The following CMKLR1 variants were observed in gnomAD, a reference collection of about 807,000 sequenced individuals.
The protein encoded by CMKLR1 is chemerin-like receptor 1.
CMKLR1 carries 6 observed loss-of-function variants against 8.2 expected under a neutral mutation model. The observed-to-expected ratio is 0.73, with a 90% CI of 0.40 to 1.44. The LOEUF (loss-of-function observed/expected upper bound fraction) is 1.44, where lower values mean the gene tolerates loss of function less well. Among genes scored for constraint, CMKLR1 ranks in the 40% most tolerant of loss-of-function variants. CMKLR1 has a pLI of 0.02. For missense variants in CMKLR1, 429 were observed against 478.0 expected (o/e 0.90, Z 0.96); for synonymous variants, 178 against 181.2 (o/e 0.98, Z 0.14).
intron 2 of CMKLR1, among the ~76,000 whole-genome samples, chr12:108,304,651 C>T (rs1009969122): frequency 6.6e-6 from 1 of 152,184 alleles, no homozygotes; most frequent in South Asian, 2.1e-4. Context: ...TCTCTGCAGT[C>T]TCCCTGTCTT....
Position 108,289,838 on chromosome 12 carries a change from G to A in CMKLR1, c.*2003C>T, listed in dbSNP as rs553172518. 1 of 152,386 alleles carries A rather than the reference G, an allele frequency of 6.6e-6. No individual in the cohort carries two copies. The highest frequency in any genetic ancestry group is 2.1e-4 in the South Asian group (1 of 4,824). 9.4% of individuals were successfully genotyped at this position (152,386 alleles called of 1,614,324 possible). A position where few individuals can be genotyped will look rare whatever the true frequency, so the allele number is the denominator to read the frequency against. On this transcript the variant is annotated 3_prime_UTR_variant, in exon 4 of 4. Coordinates refer to ENST00000550402, the MANE Select transcript of CMKLR1 (RefSeq NM_001142343.2). ...GGGAAGGAACAGTTTGTCTCTTAAT[G>A]AAGTGTGATTCCAAACAGCCCATGG...
intron 2 of CMKLR1, among the ~76,000 whole-genome samples, chr12:108,325,449 AACTTGC>A (rs1336988780): frequency 6.6e-6 from 1 of 152,198 alleles, no homozygotes; most frequent in African/African-American, 2.4e-5. Context: ...GGTGCAAGGC[AACTTGC>A]ACCCCTACTG....
intron 1 of CMKLR1, among the ~76,000 whole-genome samples, chr12:108,335,586 C>T (rs755789006): frequency 6.6e-6 from 1 of 152,204 alleles, no homozygotes; most frequent in African/African-American, 2.4e-5. Context: ...ACCATTCGAC[C>T]TCCTTATTTA....
rs961182030 is a variant in CMKLR1 at position 108,294,409 on chromosome 12, A to G, written c.-73-745T>C. On this transcript the variant is annotated intron_variant, in intron 2 of 3. Coordinates refer to ENST00000550402, the MANE Select transcript of CMKLR1 (RefSeq NM_001142343.2). ...TGAGTATTTTTCCAGTCTATGGAAGAACAAACATATTCTGAGGAGTTTGCA... is the reference window on the plus strand; with the variant it reads ...TGAGTATTTTTCCAGTCTATGGAAGGACAAACATATTCTGAGGAGTTTGCA... 4.6e-5 allele frequency among the ~76,000 whole-genome samples: 7 copies of G among 152,334 alleles called. No individual in the cohort carries two copies. The South Asian group carries it at 1.5e-3, about 32-fold the overall frequency.
intron 2 of CMKLR1, among the ~76,000 whole-genome samples, chr12:108,313,823 C>G: frequency 6.6e-6 from 1 of 152,220 alleles, no homozygotes. Context: ...CATTGGAAAG[C>G]TCTTCCTTTT....
intron 2 of CMKLR1, among the ~76,000 whole-genome samples, chr12:108,300,027 T>C (rs1891228368): frequency 6.6e-6 from 1 of 152,246 alleles, no homozygotes; most frequent in Non-Finnish European, 1.5e-5. Context: ...ACAAGTTATC[T>C]GAGGACAAGA....
intron 1 of CMKLR1, among the ~76,000 whole-genome samples, chr12:108,336,269 G>A (rs111296991): frequency 0.022 from 3,419 of 152,162 alleles, 139 homozygotes; most frequent in African/African-American, 0.078. Context: ...ACAATTGGCC[G>A]GGCGCAGTGG....
In CMKLR1 at chr12:108,310,289, G is replaced by T. The variant is rs1020919052; in HGVS notation, c.-73-16625C>A. Among the ~76,000 whole-genome samples, 6 of 152,098 alleles carry T rather than the reference G, an allele frequency of 3.9e-5. No homozygotes were observed. In the South Asian group the frequency reaches 1.3e-3, roughly 32 times the overall value. ...TGCAAGCCATCAACTTTATCCTATG[G>T]GCAATAGGGAGCCATGGATGGTTTT... On this transcript the variant is annotated intron_variant, in intron 2 of 3. Transcript: ENST00000550402.
chr12:108,336,649 C>T (rs1892232728), intron 1 of CMKLR1, among the ~76,000 whole-genome samples: 1 of 152,014 alleles, frequency 6.6e-6, no homozygotes, highest in East Asian at 1.9e-4. Flanking sequence ...TCGCAACTGG[C>T]GGTAATGTCT....
intron 2 of CMKLR1, among the ~76,000 whole-genome samples, chr12:108,303,052 C>T (rs1203764277): frequency 6.6e-6 from 1 of 152,104 alleles, no homozygotes; most frequent in Non-Finnish European, 1.5e-5. Context: ...GTGCCCAGCT[C>T]AGAGTCTTGG....
At chr12:108,319,213 G>C (rs1566026742) in intron 2 of CMKLR1, among the ~76,000 whole-genome samples, 1 of 152,164 alleles carries the variant, frequency 6.6e-6, no homozygotes, top group Non-Finnish European at 1.5e-5. Flanking sequence ...CTTTGAAACC[G>C]CTGCCTCGCT....
At chr12:108,301,859 G>A (rs1891284040) in intron 2 of CMKLR1, among the ~76,000 whole-genome samples, 1 of 152,134 alleles carries the variant, frequency 6.6e-6, no homozygotes, top group Admixed American at 6.5e-5. Flanking sequence ...CTGCCCTGAA[G>A]CTTAGCTCAT....
chr12:108,318,180 T>C (rs775810934), intron 2 of CMKLR1, among the ~76,000 whole-genome samples: 4 of 152,230 alleles, frequency 2.6e-5, no homozygotes, highest in Non-Finnish European at 5.9e-5. Flanking sequence ...TAATAAATCA[T>C]TGTGTGTGTT....
chr12:108,314,866 C>T (rs1012364753), intron 2 of CMKLR1, among the ~76,000 whole-genome samples: 1 of 151,976 alleles, frequency 6.6e-6, no homozygotes, highest in Non-Finnish European at 1.5e-5. Context: ...GCTGGGCTTA[C>T]CATCATGTTC....
rs1275253019 is a variant in CMKLR1, at chr12:108,291,810, G to C, written c.*31C>G. On this transcript the variant is annotated 3_prime_UTR_variant, in exon 4 of 4. Transcript: ENST00000550402. ...ATATCCTTGGGTGTCCCTGGGTTGA[G>C]AGAGTCCATTGAGGGGTTCCACAGT... 2.5e-6 allele frequency: 4 copies of C among 1,585,188 alleles called. No homozygotes were observed. The highest frequency in any genetic ancestry group is 3.4e-6 in the Non-Finnish European group (4 of 1,166,682).
intron 2 of CMKLR1, among the ~76,000 whole-genome samples, chr12:108,313,518 T>G (rs1005744222): frequency 6.6e-6 from 1 of 152,118 alleles, no homozygotes; most frequent in Non-Finnish European, 1.5e-5. Context: ...AGACTCCTCG[T>G]CTGTAAAGGG....
Position 108,290,546 on chromosome 12 carries a change from A to G in CMKLR1, c.*1295T>C, listed in dbSNP as rs1486374369. On this transcript the variant is annotated 3_prime_UTR_variant, in exon 4 of 4. Coordinates refer to ENST00000550402, the MANE Select transcript of CMKLR1 (RefSeq NM_001142343.2). The stretch of plus-strand genomic sequence containing the variant: ...AGAGTTTCTGGAGCCAGACGGAGCC[A>G]GGTTCAGATCTTAACTCTGCCACTG... 3 of 152,260 alleles carry G rather than the reference A, an allele frequency of 2.0e-5. No individual in the cohort carries two copies. Among genetic ancestry groups the G allele is most frequent in the Non-Finnish European group, 1.5e-5 (1 of 68,048 alleles). The allele number at this position is 152,260 out of a possible 1,614,324, so 9.4% of individuals were successfully genotyped here. A position where few individuals can be genotyped will look rare whatever the true frequency, so the allele number is the denominator to read the frequency against.
intron 2 of CMKLR1, among the ~76,000 whole-genome samples, chr12:108,314,361 CA>C (rs1358697608): frequency 6.6e-6 from 1 of 152,120 alleles, no homozygotes; most frequent in Admixed American, 6.5e-5. Flanking sequence ...CAAACCCACT[CA>C]GGGGAATAGT....
At chr12:108,338,374 C>T (rs1892279921) in intron 1 of CMKLR1, among the ~76,000 whole-genome samples, 1 of 152,152 alleles carries the variant, frequency 6.6e-6, no homozygotes, top group Non-Finnish European at 1.5e-5. Context: ...AGAATCAACA[C>T]TAACAAAGAA....
Sources: gnomAD v4.1 joint callset for allele counts (sites outside exome capture counted in the v4.1 genomes callset) on GRCh38, gnomAD v4.1.1 for gene constraint, MANE v1.5 for transcripts, NCBI Gene and HGNC (gene_info 2026-07-23, HGNC 2026-07-21) for gene names.